GRXCR1: variants seen among roughly 807,000 people sequenced by gnomAD.
GRXCR1 encodes glutaredoxin and cysteine rich domain containing 1.
A neutral mutation model predicts 27.3 loss-of-function variants in GRXCR1; 27 were observed. The observed-to-expected ratio is 0.99, with a 90% CI of 0.73 to 1.37. GRXCR1 has a LOEUF of 1.37. Ranked by LOEUF, GRXCR1 falls within the 40% of genes most tolerant of loss-of-function variation. The probability of loss-of-function intolerance (pLI) is 0.00; values close to 1 mark genes in which losing one functional copy is unlikely to be tolerated. For missense variants in GRXCR1, 379 were observed against 354.4 expected (o/e 1.07, Z -0.56); for synonymous variants, 122 against 131.1 (o/e 0.93, Z 0.47).
At chr4:42,990,434 G>T (rs964274358) in intron 2 of GRXCR1, among the ~76,000 whole-genome samples, 1 of 151,444 alleles carries the variant, frequency 6.6e-6, no homozygotes, top group South Asian at 2.1e-4. Flanking sequence ...CTCGTGATCT[G>T]CCCGCCTCGG....
At chr4:42,911,971 G>C (rs1746730691) in intron 1 of GRXCR1, among the ~76,000 whole-genome samples, 1 of 152,112 alleles carries the variant, frequency 6.6e-6, no homozygotes. Flanking sequence ...AATGATGGGA[G>C]ATAAAATTGG....
intron 1 of GRXCR1, among the ~76,000 whole-genome samples, chr4:42,951,187 G>C (rs2109769136): frequency 6.6e-6 from 1 of 152,280 alleles, no homozygotes; most frequent in Middle Eastern, 3.4e-3. Flanking sequence ...CAGGTAGAGA[G>C]AAGGCAAATC....
chr4:42,973,828 A>G (rs893719950), intron 2 of GRXCR1, among the ~76,000 whole-genome samples: 1 of 152,146 alleles, frequency 6.6e-6, no homozygotes, highest in Non-Finnish European at 1.5e-5. Flanking sequence ...AGTTTTGGAT[A>G]TTGTGAAGAT....
At chr4:42,902,480 A>G (rs1293686878) in intron 1 of GRXCR1, among the ~76,000 whole-genome samples, 2 of 152,202 alleles carry the variant, frequency 1.3e-5, no homozygotes, top group East Asian at 1.9e-4. Context: ...CGATGGCTGC[A>G]TAGTATTCCA....
At chr4:42,899,313 G>A (rs1242940523) in intron 1 of GRXCR1, among the ~76,000 whole-genome samples, 1 of 152,028 alleles carries the variant, frequency 6.6e-6, no homozygotes, top group African/African-American at 2.4e-5. Flanking sequence ...TCTACCGTGA[G>A]ACAAAAAATA....
chr4:42,918,645 C>T (rs1577905118), intron 1 of GRXCR1, among the ~76,000 whole-genome samples: 1 of 152,058 alleles, frequency 6.6e-6, no homozygotes, highest in African/African-American at 2.4e-5. Context: ...GTAACAAATT[C>T]CTGTGTTTTG....
intron 2 of GRXCR1, among the ~76,000 whole-genome samples, chr4:42,995,810 C>T (rs1276691621): frequency 1.3e-5 from 2 of 152,160 alleles, no homozygotes; most frequent in African/African-American, 2.4e-5. Flanking sequence ...TTGTCCATAA[C>T]AAAATATCAG....
intron 1 of GRXCR1, among the ~76,000 whole-genome samples, chr4:42,938,583 G>T (rs1747513135): frequency 6.6e-6 from 1 of 151,916 alleles, no homozygotes; most frequent in Non-Finnish European, 1.5e-5. Flanking sequence ...TCTTTGCTCA[G>T]ACCAATGTAC....
At chr4:42,956,814 T>C (rs1185107424) in intron 1 of GRXCR1, among the ~76,000 whole-genome samples, 1 of 152,094 alleles carries the variant, frequency 6.6e-6, no homozygotes, top group African/African-American at 2.4e-5. Flanking sequence ...CTTGCACAAC[T>C]ACCCCCACTG....
intron 2 of GRXCR1, among the ~76,000 whole-genome samples, chr4:43,011,876 A>C (rs1423858401): frequency 6.6e-6 from 1 of 152,188 alleles, no homozygotes; most frequent in Non-Finnish European, 1.5e-5. Context: ...TGAATAATAA[A>C]GGAATTTCTA....
At chr4:42,940,502 A>G (rs1307214361) in intron 1 of GRXCR1, among the ~76,000 whole-genome samples, 1 of 152,008 alleles carries the variant, frequency 6.6e-6, no homozygotes, top group Non-Finnish European at 1.5e-5. Context: ...CTGGAGCTGA[A>G]ACAAAAAATG....
intron 2 of GRXCR1, among the ~76,000 whole-genome samples, chr4:42,982,481 G>GTCTT (rs1262810327): frequency 1.6e-4 from 19 of 120,932 alleles, no homozygotes; most frequent in Non-Finnish European, 2.9e-4. Context: ...TTGGTTCCAA[G>GTCTT]TCTTTGCTAT....
chr4:42,996,341 T>C (rs1456039567), intron 2 of GRXCR1, among the ~76,000 whole-genome samples: 1 of 152,150 alleles, frequency 6.6e-6, no homozygotes, highest in African/African-American at 2.4e-5. Flanking sequence ...TATGGCAGGA[T>C]AGAAATAGCT....
At position 42,893,329 on chromosome 4, in the gene GRXCR1, G is replaced by A. The variant is rs770520191; in HGVS notation, c.63G>A (p.Ala21=). 1.2e-6 allele frequency: 2 copies of A among 1,613,784 alleles called. No individual in the cohort carries two copies. The highest frequency in any genetic ancestry group is 1.7e-6 in the Non-Finnish European group (2 of 1,179,790). ...DRPRKVRFRI[A]SSHSGRVLKE... is the part of the protein sequence containing the mutation. ...CACGGAAAGTCCGGTTTCGGATCGC[G>A]TCCTCTCACAGTGGGCGAGTTCTGA... is the stretch of plus-strand genomic sequence containing the variant. The change falls in exon 1 of 4, where the codon GCG becomes GCA. Residue 21 remains alanine (A), a synonymous_variant. Coordinates refer to ENST00000399770, the MANE Select transcript of GRXCR1 (RefSeq NM_001080476.3).
At chr4:42,901,816 G>A (rs1746468279) in intron 1 of GRXCR1, among the ~76,000 whole-genome samples, 1 of 152,188 alleles carries the variant, frequency 6.6e-6, no homozygotes, top group Admixed American at 6.6e-5. Context: ...ATGGCCACCA[G>A]GGGATAGAGT....
At chr4:43,016,654 TGTGC>T (rs1374589202) in intron 2 of GRXCR1, among the ~76,000 whole-genome samples, 2 of 152,038 alleles carry the variant, frequency 1.3e-5, no homozygotes, top group Non-Finnish European at 2.9e-5. Context: ...TGTGTGTGTG[TGTGC>T]ATGTGTGGCT....
At chr4:43,027,157 C>T (rs1246951405) in intron 3 of GRXCR1, among the ~76,000 whole-genome samples, 4 of 152,114 alleles carry the variant, frequency 2.6e-5, no homozygotes, top group African/African-American at 9.7e-5. Flanking sequence ...AAAATAATGG[C>T]TAATAATAAC....
intron 3 of GRXCR1, among the ~76,000 whole-genome samples, chr4:43,027,319 T>C (rs1713289382): frequency 6.6e-6 from 1 of 152,198 alleles, no homozygotes; most frequent in Admixed American, 6.5e-5. Flanking sequence ...AATGGCCTTG[T>C]TGTATTTGTG....
chr4:42,922,385 C>G (rs571806974), intron 1 of GRXCR1, among the ~76,000 whole-genome samples: 1 of 152,064 alleles, frequency 6.6e-6, no homozygotes, highest in Non-Finnish European at 1.5e-5. Context: ...AGCTTCTTAC[C>G]TCCTGCGATC....
Sources: gnomAD v4.1 joint callset for allele counts (sites outside exome capture counted in the v4.1 genomes callset) on GRCh38, gnomAD v4.1.1 for gene constraint, MANE v1.5 for transcripts, NCBI Gene and HGNC (gene_info 2026-07-23, HGNC 2026-07-21) for gene names.